The following PIGR variants were observed in gnomAD, a reference collection of about 807,000 sequenced individuals.
The protein encoded by PIGR is polymeric immunoglobulin receptor, also known as hepatocellular carcinoma associated protein TB6.
A neutral mutation model predicts 69.5 loss-of-function variants in PIGR; 22 were observed. The observed-to-expected ratio is 0.32, with a 90% confidence interval of 0.23 to 0.45. PIGR has a LOEUF of 0.45. PIGR is among the 20% of genes least tolerant of loss of function. The pLI, the probability that PIGR is intolerant of heterozygous loss-of-function variation, is 1.00. For missense variants in PIGR, 885 were observed against 974.0 expected (o/e 0.91, Z 1.22); for synonymous variants, 413 against 407.6 (o/e 1.01, Z -0.16).
Position 206,932,967 on chromosome 1 carries a change from G to A in PIGR, c.1886+19C>T. On this transcript the variant is annotated intron_variant, in intron 7 of 10. Coordinates refer to ENST00000356495, the MANE Select transcript of PIGR (RefSeq NM_002644.4). ...CTCTGGGGTGTTCTCCGAGTGGGGA[G>A]CCTTGAATCCTTCCTTACCTGCCGG... is the stretch of plus-strand genomic sequence containing the variant. 6.2e-7 allele frequency: 1 copy of A among 1,612,888 alleles called. No individual in the cohort carries two copies. The highest frequency in any genetic ancestry group is 8.5e-7 in the Non-Finnish European group (1 of 1,179,424).
rs1679825241 is a variant in PIGR at position 206,934,487 on chromosome 1, C to T, written c.1638G>A (p.Val546=). 1 of 1,614,218 alleles carries T rather than the reference C, an allele frequency of 6.2e-7. No homozygotes were observed. Among genetic ancestry groups the T allele is most frequent in the Non-Finnish European group, 8.5e-7 (1 of 1,180,044 alleles). ...TCTCTCCATAGAAGTGGCCCTGCTTCACTCCACACCAGTACCAGCCCTCAT... is the reference window on the plus strand; with the variant it reads ...TCTCTCCATAGAAGTGGCCCTGCTTTACTCCACACCAGTACCAGCCCTCAT... ...RADEGWYWCG[V]KQGHFYGETA... The change falls in exon 6 of 11, where the codon GTG becomes GTA. Residue 546 remains valine, a synonymous_variant. Transcript: ENST00000356495.
At chr1:206,933,770 A>T (rs76098533) in intron 6 of PIGR, among the ~76,000 whole-genome samples, 2 of 152,192 alleles carry the variant, frequency 1.3e-5, no homozygotes, top group Non-Finnish European at 2.9e-5. Flanking sequence ...AACATATTGC[A>T]TATGACAGTG....
At chr1:206,933,292 G>T (rs1481791494) in intron 6 of PIGR, 126 bp from the exon 7 acceptor site, 2 of 870,828 alleles carry the variant, frequency 2.3e-6, no homozygotes, top group African/African-American at 1.7e-5. Flanking sequence ...AGGCTGTTGG[G>T]GTAGGACCCA....
At chr1:206,942,659 T>A (rs996928203) in intron 1 of PIGR, among the ~76,000 whole-genome samples, 4 of 152,172 alleles carry the variant, frequency 2.6e-5, no homozygotes, top group Admixed American at 2.6e-4. Context: ...TTGGCCTGGG[T>A]TGCAGAGAGT....
intron 1 of PIGR, among the ~76,000 whole-genome samples, chr1:206,943,070 A>G (rs1319266722): frequency 6.6e-6 from 1 of 152,198 alleles, no homozygotes; most frequent in Non-Finnish European, 1.5e-5. Flanking sequence ...TGGGGATTCA[A>G]ATCTCGGGAG....
chr1:206,941,240 T>C (rs1679978961), intron 1 of PIGR, among the ~76,000 whole-genome samples: 1 of 152,112 alleles, frequency 6.6e-6, no homozygotes, highest in Admixed American at 6.5e-5. Context: ...GTTAAGTACT[T>C]TCCTCAAGGG....
Position 206,932,409 on chromosome 1 carries a change from A to T in PIGR, c.2008+47T>A, listed in dbSNP as rs554909585. 7 of 1,574,112 alleles carry T rather than the reference A, an allele frequency of 4.4e-6. No individual in the cohort carries two copies. The Middle Eastern group carries it at 7.0e-4, about 158-fold the overall frequency. Reference sequence around the variant, plus strand: ...TCTATGGGTGGATGATTCAGGACTGAGGGCTCGGGTTGGAGGTGGGAGGCA... The same window carrying T: ...TCTATGGGTGGATGATTCAGGACTGTGGGCTCGGGTTGGAGGTGGGAGGCA... On this transcript the variant is annotated intron_variant, in intron 8 of 10. Coordinates refer to ENST00000356495, the MANE Select transcript of PIGR (RefSeq NM_002644.4).
chr1:206,937,866 G>T, intron 3 of PIGR, 115 bp from the exon 4 acceptor site: 1 of 903,330 alleles, frequency 1.1e-6, no homozygotes, highest in Non-Finnish European at 1.7e-6. Flanking sequence ...AACCTGGAAT[G>T]CCCTCCTTCC....
intron 1 of PIGR, 117 bp from the exon 2 acceptor site, chr1:206,940,701 G>A (rs1471603266): frequency 6.6e-6 from 4 of 602,290 alleles, no homozygotes; most frequent in Middle Eastern, 2.8e-4. Flanking sequence ...CATAAATCCT[G>A]TTGAATGAAT....
rs756286947 is a variant in PIGR, at chr1:206,931,688, G to T, written c.2123C>A (p.Ser708Tyr). 3 of 1,614,004 alleles carry T rather than the reference G, an allele frequency of 1.9e-6. No homozygotes were observed. Among genetic ancestry groups the T allele is most frequent in the Non-Finnish European group, 2.5e-6 (3 of 1,180,036 alleles). Residue 708 changes from serine to tyrosine, a missense_variant, in exon 9 of 11, where the codon TCC (serine) becomes TAC (tyrosine). Ser to Tyr is a moderately radical substitution (Grantham distance 144). Transcript: ENST00000356495. Reference sequence around the variant, plus strand: ...GGTCATACCTTCTTTTCCTCCGAGGGATGTCTCCTGAGTGATCGAAGAGGC... The same window carrying T: ...GGTCATACCTTCTTTTCCTCCGAGGTATGTCTCCTGAGTGATCGAAGAGGC... ...MGASSITQET[S>Y]LGGKEEFVAT...
intron 8 of PIGR, 102 bp downstream of exon 8, chr1:206,932,354 T>C (rs1679770461): frequency 2.2e-6 from 3 of 1,334,758 alleles, no homozygotes; most frequent in South Asian, 3.2e-5. Context: ...TTGTTTTAGC[T>C]CATGAAAAAG....
intron 3 of PIGR, among the ~76,000 whole-genome samples, chr1:206,938,391 TC>T (rs1679910259): frequency 6.6e-6 from 1 of 152,148 alleles, no homozygotes; most frequent in Non-Finnish European, 1.5e-5. Flanking sequence ...CTAAATGACC[TC>T]CTCATTTAGT....
chr1:206,934,887 C>G, intron 5 of PIGR, 141 bp from the exon 6 acceptor site: 1 of 534,060 alleles, frequency 1.9e-6, no homozygotes, highest in African/African-American at 1.9e-5. Flanking sequence ...GAGACAAGGT[C>G]TCTCTCTGTC....
chr1:206,930,340 T>G lies in PIGR; in HGVS notation c.2273A>C (p.Gln758Pro). 6.2e-7 allele frequency: 1 copy of G among 1,611,646 alleles called. No homozygotes were observed. The highest frequency in any genetic ancestry group is 8.5e-7 in the Non-Finnish European group (1 of 1,178,734). ...LQSSTVAAEA[Q>P]DGPQEA The stretch of plus-strand genomic sequence containing the variant: ...CGTCTAGGCTTCCTGGGGGCCGTCC[T>G]GGGCCTCGGCGGCCACGGTGCTGGA... Residue 758 changes from glutamine (Q) to proline (P), a missense_variant, in exon 11 of 11, where the codon CAG becomes CCG. By Grantham distance (76) the Gln-to-Pro change is moderately conservative. Coordinates refer to ENST00000356495, the MANE Select transcript of PIGR (RefSeq NM_002644.4). The surrounding 1 kb of genome is among the most constrained non-coding windows in gnomAD (Gnocchi z 4.3).
chr1:206,943,305 C>G (rs893821084), intron 1 of PIGR, among the ~76,000 whole-genome samples: 1 of 152,312 alleles, frequency 6.6e-6, no homozygotes, highest in Non-Finnish European at 1.5e-5. Context: ...CCAAGACCCA[C>G]AGCAGAATCC....
At position 206,930,334 on chromosome 1, in the gene PIGR, C is replaced by T; in HGVS notation, c.2279G>A (p.Gly760Asp). 1 of 1,611,188 alleles carries T rather than the reference C, an allele frequency of 6.2e-7. No individual in the cohort carries two copies. The highest frequency in any genetic ancestry group is 1.1e-5 in the South Asian group (1 of 90,696). Residue 760 changes from glycine to aspartate, a missense_variant, in exon 11 of 11, where the codon GGC (glycine) becomes GAC (aspartate). Coordinates refer to ENST00000356495, the MANE Select transcript of PIGR (RefSeq NM_002644.4). This position sits in a 1 kb window ranked among gnomAD's most constrained non-coding sequence, Gnocchi z 4.3. Reference sequence around the variant, plus strand: ...CGACACCGTCTAGGCTTCCTGGGGGCCGTCCTGGGCCTCGGCGGCCACGGT... The same window carrying T: ...CGACACCGTCTAGGCTTCCTGGGGGTCGTCCTGGGCCTCGGCGGCCACGGT... ...SSTVAAEAQD[G>D]PQEA
intron 6 of PIGR, 108 bp downstream of exon 6, chr1:206,934,312 A>G (rs1173969299): frequency 3.1e-6 from 3 of 959,434 alleles, no homozygotes; most frequent in Non-Finnish European, 4.6e-6. Context: ...TCAGCCTCTT[A>G]CAGCCAAACA....
At chr1:206,939,885 T>C (rs291092) in intron 2 of PIGR, among the ~76,000 whole-genome samples, 2 of 151,952 alleles carry the variant, frequency 1.3e-5, no homozygotes, top group African/African-American at 4.8e-5. Context: ...TGCTAGCTAA[T>C]TTTGGTTTCT....
chr1:206,932,692 T>C (rs1275743440), intron 7 of PIGR, 115 bp from the exon 8 acceptor site: 16 of 1,240,992 alleles, frequency 1.3e-5, no homozygotes, highest in Non-Finnish European at 1.8e-5. Flanking sequence ...CCCACCCTGC[T>C]GATGCAGCTC....
Sources: allele counts gnomAD v4.1 joint callset (sites outside exome capture counted in the v4.1 genomes callset), GRCh38; gene constraint gnomAD v4.1.1; non-coding constraint Gnocchi (gnomAD v3.1); transcripts MANE v1.5; gene names NCBI Gene and HGNC (gene_info 2026-07-23, HGNC 2026-07-21).